NDST4: variants seen among roughly 807,000 people sequenced by gnomAD.
The protein encoded by NDST4 is N-heparan sulfate sulfotransferase 4.
Under a neutral mutation model 100.8 loss-of-function variants are expected in NDST4, and 63 were observed. The ratio of observed to expected loss-of-function variants is 0.62; its 90% CI spans 0.51 to 0.77. NDST4 has a LOEUF of 0.77. Ranked by LOEUF, NDST4 falls within the 30% of genes least tolerant of loss-of-function variation. The pLI, the probability that NDST4 is intolerant of heterozygous loss-of-function variation, is 0.00. For synonymous variants in NDST4, 377 were observed against 361.8 expected (o/e 1.04, Z -0.48); for missense variants, 943 against 1,018.4 (o/e 0.93, Z 1.01).
intron 2 of NDST4, among the ~76,000 whole-genome samples, chr4:115,059,849 A>AAG (rs1728781716): frequency 6.6e-6 from 1 of 151,984 alleles, no homozygotes; most frequent in African/African-American, 2.4e-5. Context: ...AGCTCTTATA[A>AAG]CTTTTATAAT....
At chr4:115,066,271 T>G (rs1728944175) in intron 2 of NDST4, among the ~76,000 whole-genome samples, 1 of 152,206 alleles carries the variant, frequency 6.6e-6, no homozygotes, top group Non-Finnish European at 1.5e-5. Context: ...TAAAATGTAC[T>G]TTTATACAAT....
intron 4 of NDST4, among the ~76,000 whole-genome samples, chr4:114,950,534 A>C (rs774190545): frequency 6.6e-6 from 1 of 151,956 alleles, no homozygotes; most frequent in Non-Finnish European, 1.5e-5. Flanking sequence ...GGTAGTTACA[A>C]CTCTGTAAAA....
intron 4 of NDST4, among the ~76,000 whole-genome samples, chr4:114,950,722 G>A (rs1459586207): frequency 2.0e-5 from 3 of 151,832 alleles, no homozygotes; most frequent in Non-Finnish European, 4.4e-5. Flanking sequence ...CTCTGTTTAG[G>A]GGTTCTCCTC....
In NDST4 at chr4:115,010,313, T is replaced by A. The variant is rs1383548282; in HGVS notation, c.979-33039A>T. Among the ~76,000 whole-genome samples the A allele has an allele frequency of 6.3e-5, 8 of 126,468 alleles. 3 individuals are homozygous for A. In the South Asian group the frequency reaches 2.4e-3, roughly 39 times the overall value. The allele number at this position is 126,468 out of a possible 152,430, so 83.0% of individuals were successfully genotyped here. ...AATGTCCAACAGTGATAGACTGGATTAAGAAAATGTGGCACATATACACCA... is the reference window on the plus strand; with the variant it reads ...AATGTCCAACAGTGATAGACTGGATAAAGAAAATGTGGCACATATACACCA... On this transcript the variant is annotated intron_variant, in intron 2 of 13. Coordinates refer to ENST00000264363, the MANE Select transcript of NDST4 (RefSeq NM_022569.3).
chr4:115,014,561 G>C (rs1307253513), intron 2 of NDST4, among the ~76,000 whole-genome samples: 1 of 152,054 alleles, frequency 6.6e-6, no homozygotes, highest in African/African-American at 2.4e-5. Context: ...CTGGTTTTGA[G>C]ATTTTTTAGT....
intron 4 of NDST4, among the ~76,000 whole-genome samples, chr4:114,942,801 T>G (rs898896918): frequency 6.6e-6 from 1 of 151,868 alleles, no homozygotes; most frequent in African/African-American, 2.4e-5. Context: ...TAATGGATTT[T>G]AAATAACAGT....
At chr4:114,975,807 G>A (rs572359482) in intron 3 of NDST4, among the ~76,000 whole-genome samples, 1 of 151,992 alleles carries the variant, frequency 6.6e-6, no homozygotes, top group Non-Finnish European at 1.5e-5. Flanking sequence ...AGCCTTTAAA[G>A]CTATCTGCTT....
chr4:115,008,274 T>C (rs1382165355), intron 2 of NDST4, among the ~76,000 whole-genome samples: 1 of 129,494 alleles, frequency 7.7e-6, no homozygotes, highest in African/African-American at 2.9e-5. Flanking sequence ...TTTTGCTCTT[T>C]AGTTGATGCA....
intron 1 of NDST4, among the ~76,000 whole-genome samples, chr4:115,089,958 A>G (rs1183225118): frequency 1.1e-4 from 17 of 151,756 alleles, no homozygotes. Flanking sequence ...ATTTATTTAT[A>G]TTAATTTTAT....
intron 4 of NDST4, among the ~76,000 whole-genome samples, chr4:114,947,201 A>G (rs1337670912): frequency 6.6e-6 from 1 of 152,208 alleles, no homozygotes; most frequent in Non-Finnish European, 1.5e-5. Context: ...ATTTAGTTTC[A>G]GTAGTATAGG....
chr4:115,023,891 C>A (rs138613034), intron 2 of NDST4, among the ~76,000 whole-genome samples: 217 of 152,246 alleles, frequency 1.4e-3, no homozygotes, highest in African/African-American at 5.0e-3. Flanking sequence ...CTTCTACAAG[C>A]TCATTGCCCA....
intron 2 of NDST4, among the ~76,000 whole-genome samples, chr4:115,017,357 A>G (rs74700222): frequency 0.06 from 9,195 of 152,090 alleles, 357 homozygotes; most frequent in Middle Eastern, 0.099. Flanking sequence ...TATTCAATAT[A>G]TGCATTTCCT....
Position 114,916,850 on chromosome 4 carries a change from A to AT in NDST4, c.1536+18355dup, listed in dbSNP as rs557567029. Reference sequence around the variant, plus strand: ...AAATCTTACGTAAATTTTCTGTTGTATTTTTTTTTCTCCCTCAGACCATGA... The same window carrying AT: ...AAATCTTACGTAAATTTTCTGTTGTATTTTTTTTTTCTCCCTCAGACCATGA... On this transcript the variant is annotated intron_variant, in intron 6 of 13. Coordinates refer to ENST00000264363, the MANE Select transcript of NDST4 (RefSeq NM_022569.3). Among the ~76,000 whole-genome samples, 1,445 of 148,084 alleles carry AT rather than the reference A, an allele frequency of 9.8e-3. 18 individuals are homozygous for AT. The highest frequency in any genetic ancestry group is 0.028 in the Middle Eastern group (8 of 286).
intron 6 of NDST4, among the ~76,000 whole-genome samples, chr4:114,929,070 G>GTCCATCCATCCA (rs1264473414): frequency 1.1e-4 from 10 of 92,846 alleles, no homozygotes; most frequent in East Asian, 6.9e-4. Flanking sequence ...CCGTCCGTCC[G>GTCCATCCATCCA]TCCGTCCATC....
At chr4:114,985,016 T>C (rs1726868520) in intron 2 of NDST4, among the ~76,000 whole-genome samples, 1 of 152,184 alleles carries the variant, frequency 6.6e-6, no homozygotes, top group Non-Finnish European at 1.5e-5. Flanking sequence ...TTATACCAAG[T>C]TTTCTACGTA....
At chr4:114,991,283 G>A (rs1055229004) in intron 2 of NDST4, among the ~76,000 whole-genome samples, 29 of 152,056 alleles carry the variant, frequency 1.9e-4, no homozygotes, top group African/African-American at 5.1e-4. Flanking sequence ...GTCAGCCAAA[G>A]TAATTAAAGA....
chr4:115,103,573 A>G (rs767598703), intron 1 of NDST4, among the ~76,000 whole-genome samples: 2 of 152,086 alleles, frequency 1.3e-5, no homozygotes, highest in Non-Finnish European at 2.9e-5. Flanking sequence ...CCTTTTATTT[A>G]CTTCAGAGAG....
At chr4:114,871,043 G>T in intron 6 of NDST4, 93 bp from the exon 7 acceptor site, 3 of 785,612 alleles carry the variant, frequency 3.8e-6, no homozygotes, top group African/African-American at 1.8e-5. Flanking sequence ...CCTCACCTTG[G>T]AATTTCACAA....
intron 1 of NDST4, among the ~76,000 whole-genome samples, chr4:115,108,113 A>G (rs1178961686): frequency 1.3e-5 from 2 of 152,138 alleles, no homozygotes; most frequent in African/African-American, 4.8e-5. Context: ...AACCAAATTT[A>G]AATTCTGATT....
Sources: allele counts gnomAD v4.1 joint callset (sites outside exome capture counted in the v4.1 genomes callset), GRCh38; gene constraint gnomAD v4.1.1; transcripts MANE v1.5; gene names NCBI Gene and HGNC (gene_info 2026-07-23, HGNC 2026-07-21).